ADCY9: variants seen among roughly 807,000 people sequenced by gnomAD.
The protein encoded by ADCY9 is adenylate cyclase type 9.
ADCY9 carries 50 observed loss-of-function variants against 101.5 expected under a neutral mutation model. The ratio of observed to expected loss-of-function variants is 0.49; its 90% CI spans 0.39 to 0.62. The LOEUF (loss-of-function observed/expected upper bound fraction) is 0.62, where lower values mean the gene tolerates loss of function less well. Among genes scored for constraint, ADCY9 ranks in the 20% least tolerant of loss-of-function variants. The probability of loss-of-function intolerance (pLI) is 0.00; values close to 1 mark genes in which losing one functional copy is unlikely to be tolerated. For synonymous variants in ADCY9, 905 were observed against 769.3 expected (o/e 1.18, Z -2.92); for missense variants, 1,662 against 1,800.4 (o/e 0.92, Z 1.39).
intron 2 of ADCY9, among the ~76,000 whole-genome samples, chr16:4,022,106 C>T (rs780196469): frequency 6.6e-5 from 10 of 152,222 alleles, no homozygotes; most frequent in Admixed American, 2.0e-4. Flanking sequence ...AGGGTGGCAC[C>T]GGAGCCTCCA....
intron 3 of ADCY9, among the ~76,000 whole-genome samples, chr16:4,007,138 T>C (rs2056371921): frequency 6.6e-6 from 1 of 152,050 alleles, no homozygotes. Context: ...ATGAGAAGCA[T>C]CCTTGTGCAA....
At chr16:4,055,303 C>T (rs562030030) in intron 2 of ADCY9, among the ~76,000 whole-genome samples, 3 of 152,110 alleles carry the variant, frequency 2.0e-5, no homozygotes, top group South Asian at 2.1e-4. Context: ...GAGGCTGAGG[C>T]GAGCAGATCA....
chr16:4,099,575 A>G (rs1057216799), intron 2 of ADCY9, among the ~76,000 whole-genome samples: 9 of 152,250 alleles, frequency 5.9e-5, no homozygotes, highest in Non-Finnish European at 1.3e-4. Flanking sequence ...GAAAGTTATC[A>G]AAGACCACTG....
chr16:3,995,160 T>G (rs2056276990), intron 3 of ADCY9, among the ~76,000 whole-genome samples: 1 of 151,998 alleles, frequency 6.6e-6, no homozygotes, highest in African/African-American at 2.4e-5. Flanking sequence ...ATTGGCTGGG[T>G]GTGGCGGCTG....
At chr16:3,993,300 A>C (rs1419668153) in intron 4 of ADCY9, 106 bp downstream of exon 4, 1 of 1,536,694 alleles carries the variant, frequency 6.5e-7, no homozygotes, top group Non-Finnish European at 8.8e-7. Flanking sequence ...GCTGTTACCC[A>C]AGAGGAGTTA....
chr16:3,956,608 A>T (rs2531997), intron 5 of ADCY9, among the ~76,000 whole-genome samples: 67,069 of 149,090 alleles, frequency 0.45, 15,848 homozygotes, highest in Non-Finnish European at 0.53. Context: ...CTCCTGCCTC[A>T]GCCTCCCAAG....
chr16:4,044,468 CA>C (rs2056648905), intron 2 of ADCY9, among the ~76,000 whole-genome samples: 1 of 152,076 alleles, frequency 6.6e-6, no homozygotes, highest in East Asian at 1.9e-4. Context: ...CCAAACACAG[CA>C]AAGGAAATCA....
rs372655295 is a variant in ADCY9 at position 4,047,755 on chromosome 16, A to G, written c.1694-40197T>C. Among the ~76,000 whole-genome samples the G allele has an allele frequency of 5.3e-5, 8 of 152,236 alleles. No individual in the cohort carries two copies. The East Asian group carries it at 1.4e-3, about 26-fold the overall frequency. On this transcript the variant is annotated intron_variant, in intron 2 of 10. Coordinates refer to ENST00000294016, the MANE Select transcript of ADCY9 (RefSeq NM_001116.4). ...ATGACCAAGCAGGTCCTTGGTTGAA[A>G]TCCACGTTGGCCAGGCTGATCTCGA...
Position 3,985,776 on chromosome 16 carries a change from C to A in ADCY9, c.2311-2336G>T, listed in dbSNP as rs141759327. ...CCCGCTCCTCCCTCCACCTCCCTTGCAGTCTCTCCTGCCTGCCCTGCTACT... is the reference window on the plus strand; with the variant it reads ...CCCGCTCCTCCCTCCACCTCCCTTGAAGTCTCTCCTGCCTGCCCTGCTACT... On this transcript the variant is annotated intron_variant, in intron 6 of 10. Transcript: ENST00000294016. 9.9e-3 allele frequency among the ~76,000 whole-genome samples: 1,505 copies of A among 152,232 alleles called. 23 individuals carry two copies. Among genetic ancestry groups the A allele is most frequent in the African/African-American group, 0.034 (1,414 of 41,536 alleles).
intron 2 of ADCY9, among the ~76,000 whole-genome samples, chr16:4,097,487 T>TATATATATACACAC (rs76750792): frequency 7.5e-4 from 54 of 72,480 alleles, no homozygotes; most frequent in South Asian, 2.3e-3. Context: ...TATATATATA[T>TATATATATACACAC]ACACACACAC....
chr16:3,965,709 C>T lies in ADCY9; in HGVS notation c.*66G>A. 6.8e-7 allele frequency: 1 copy of T among 1,480,784 alleles called. No homozygotes were observed. The highest frequency in any genetic ancestry group is 9.2e-7 in the Non-Finnish European group (1 of 1,088,766). The allele number at this position is 1,480,784 out of a possible 1,614,324, so 91.7% of individuals were successfully genotyped here. On this transcript the variant is annotated 3_prime_UTR_variant, in exon 11 of 11. Transcript: ENST00000294016. ...CAACTGTGGCGCTTGGAAAGCACAA[C>T]AGCCAAATACAAATATTACTGTGTT...
At chr16:3,980,061 G>C (rs117313458) in intron 7 of ADCY9, among the ~76,000 whole-genome samples, 1 of 152,242 alleles carries the variant, frequency 6.6e-6, no homozygotes, top group Non-Finnish European at 1.5e-5. Context: ...CCGCACACGC[G>C]TGCCGTCTGC....
In ADCY9 at chr16:4,007,512, G is replaced by C. The variant is rs753494465; in HGVS notation, c.1740C>G (p.Arg580=). The C allele has an allele frequency of 6.2e-7, 1 of 1,613,734 alleles. No homozygotes were observed. The highest frequency in any genetic ancestry group is 8.5e-7 in the Non-Finnish European group (1 of 1,179,922). Residue 580 remains arginine, a synonymous_variant, in exon 3 of 11, where the codon CGC becomes CGG. Transcript: ENST00000294016. ...AAAGCAAGGCCTCTGCACAGCTGCA[G>C]CGAGACTCCTTGGCTCTCTGACCCG... ...LISGQRAKES[R]CSCAEALLSG...
chr16:3,995,166 G>A (rs1295077636), intron 3 of ADCY9, among the ~76,000 whole-genome samples: 1 of 152,138 alleles, frequency 6.6e-6, no homozygotes, highest in African/African-American at 2.4e-5. Flanking sequence ...TGGGTGTGGC[G>A]GCTGTAATCC....
At chr16:4,099,359 C>T (rs1004307668) in intron 2 of ADCY9, among the ~76,000 whole-genome samples, 1 of 152,158 alleles carries the variant, frequency 6.6e-6, no homozygotes, top group African/African-American at 2.4e-5. Flanking sequence ...ATTAAAGCTT[C>T]CAAGGAACTC....
intron 5 of ADCY9, among the ~76,000 whole-genome samples, chr16:3,956,116 T>C (rs1464895050): frequency 6.6e-6 from 1 of 151,854 alleles, no homozygotes; most frequent in East Asian, 1.9e-4. Flanking sequence ...GTTGCCCAGG[T>C]CTCAAACTTC....
chr16:3,968,728 C>T (rs1250731742), intron 10 of ADCY9, among the ~76,000 whole-genome samples: 3 of 152,162 alleles, frequency 2.0e-5, no homozygotes, highest in African/African-American at 4.8e-5. Context: ...AGGGAATATT[C>T]CCCTACCCCT....
Position 3,975,707 on chromosome 16 carries a change from G to A in ADCY9, c.2829-997C>T, listed in dbSNP as rs976074242. On this transcript the variant is annotated intron_variant, in intron 9 of 10. Transcript: ENST00000294016. Reference sequence around the variant, plus strand: ...CCCATGTGACTTTAAAACATTCTGCGCACCTAAACCCTCTGTAATTGTAAA... The same window carrying A: ...CCCATGTGACTTTAAAACATTCTGCACACCTAAACCCTCTGTAATTGTAAA... Among the ~76,000 whole-genome samples, 8 of 152,130 alleles carry A rather than the reference G, an allele frequency of 5.3e-5. No individual in the cohort carries two copies. In the South Asian group the frequency reaches 1.0e-3, roughly 20 times the overall value.
intron 9 of ADCY9, among the ~76,000 whole-genome samples, chr16:3,975,780 G>T (rs1245727117): frequency 6.6e-6 from 1 of 152,148 alleles, no homozygotes; most frequent in Non-Finnish European, 1.5e-5. Context: ...TTTATAAGCA[G>T]TTATAGGAAA....
Sources: gnomAD v4.1 joint callset for allele counts (sites outside exome capture counted in the v4.1 genomes callset) on GRCh38, gnomAD v4.1.1 for gene constraint, MANE v1.5 for transcripts, NCBI Gene and HGNC (gene_info 2026-07-23, HGNC 2026-07-21) for gene names.